The following CDH3 variants were observed in gnomAD, a reference collection of about 807,000 sequenced individuals.
CDH3 encodes the protein cadherin-3.
CDH3 carries 54 observed loss-of-function variants against 82.0 expected under a neutral mutation model. That is an observed-to-expected ratio of 0.66 (90% CI 0.53 to 0.83). The LOEUF is 0.83. Ranked by LOEUF, CDH3 falls within the 40% of genes least tolerant of loss-of-function variation. The pLI is 0.00. For synonymous variants in CDH3, 446 were observed against 437.9 expected, an observed-to-expected ratio of 1.02 and a Z score of -0.23; for missense variants, 1,054 against 1,084.6, an observed-to-expected ratio of 0.97 and a Z score of 0.40.
chr16:68,685,960 G>C (rs1961399909), intron 11 of CDH3, among the ~76,000 whole-genome samples: 2 of 152,226 alleles, frequency 1.3e-5, no homozygotes, highest in South Asian at 4.1e-4. Flanking sequence ...GAGCCCAGGA[G>C]TTCAAGGCTG....
intron 1 of CDH3, among the ~76,000 whole-genome samples, chr16:68,708,433 C>T (rs1370946700): frequency 6.6e-6 from 1 of 152,010 alleles, no homozygotes; most frequent in Non-Finnish European, 1.5e-5. Flanking sequence ...TTCCTCAGAG[C>T]CTCTGCACTT....
At chr16:68,715,324 G>A (rs868425885) in intron 1 of CDH3, among the ~76,000 whole-genome samples, 5 of 152,044 alleles carry the variant, frequency 3.3e-5, no homozygotes, top group Middle Eastern at 3.4e-3. Flanking sequence ...CTACTCGGGA[G>A]GCTGAGGCAG....
intron 2 of CDH3, among the ~76,000 whole-genome samples, chr16:68,665,578 G>A (rs1052653174): frequency 3.3e-5 from 5 of 152,042 alleles, no homozygotes; most frequent in African/African-American, 4.8e-5. Flanking sequence ...AGTGATTGAC[G>A]CAAGGCTGCA....
At chr16:68,709,675 T>C (rs944251640) in intron 1 of CDH3, among the ~76,000 whole-genome samples, 1 of 151,872 alleles carries the variant, frequency 6.6e-6, no homozygotes, top group African/African-American at 2.4e-5. Flanking sequence ...GCTAGGCTGG[T>C]TTCAAGCGAC....
chr16:68,726,392 G>A (rs1001850988), intron 2 of CDH3, among the ~76,000 whole-genome samples: 28 of 151,966 alleles, frequency 1.8e-4, no homozygotes, highest in Non-Finnish European at 1.0e-4. Flanking sequence ...TGGCTGCCCC[G>A]GAGTCTGGAA....
chr16:68,706,528 C>CTAG (rs1961965968), intron 1 of CDH3, among the ~76,000 whole-genome samples: 1 of 135,512 alleles, frequency 7.4e-6, no homozygotes, highest in Non-Finnish European at 1.6e-5. Flanking sequence ...GATGCTGGTT[C>CTAG]TAGTAGTCAC....
intron 8 of CDH3, among the ~76,000 whole-genome samples, chr16:68,681,540 A>C (rs1420723414): frequency 6.6e-6 from 1 of 152,224 alleles, no homozygotes; most frequent in Non-Finnish European, 1.5e-5. Context: ...GGTCTGAATA[A>C]AAATTTGTAA....
chr16:68,685,106 G>A (rs1597812037), intron 10 of CDH3, 99 bp from the exon 11 acceptor site: 1 of 1,404,636 alleles, frequency 7.1e-7, no homozygotes, highest in Non-Finnish European at 1.0e-6. Context: ...CTGCTTAGGA[G>A]CCCAGAGGCC....
chr16:68,716,106 T>G (rs1962091848), intron 1 of CDH3, among the ~76,000 whole-genome samples: 1 of 151,362 alleles, frequency 6.6e-6, no homozygotes, highest in Non-Finnish European at 1.5e-5. Flanking sequence ...CCATCTCTAC[T>G]AAAAATACAA....
chr16:68,719,660 C>T (rs991259074), intron 1 of CDH3, among the ~76,000 whole-genome samples: 3 of 151,794 alleles, frequency 2.0e-5, no homozygotes, highest in African/African-American at 7.3e-5. Flanking sequence ...CAGGCACACA[C>T]CAGCTAATTT....
intron 1 of CDH3, among the ~76,000 whole-genome samples, chr16:68,716,895 C>CTT (rs1416223774): frequency 3.7e-5 from 5 of 135,846 alleles, no homozygotes; most frequent in Admixed American, 7.5e-5. Flanking sequence ...AGATTTTTTT[C>CTT]TTTTTTTTTT....
At chr16:68,723,310 C>G (rs1050489450) in intron 2 of CDH3, among the ~76,000 whole-genome samples, 5 of 151,998 alleles carry the variant, frequency 3.3e-5, no homozygotes, top group Admixed American at 6.6e-5. Context: ...TGTTCTATAG[C>G]TATAATTAAA....
At chr16:68,680,224 T>C (rs1431908586) in intron 7 of CDH3, among the ~76,000 whole-genome samples, 1 of 152,252 alleles carries the variant, frequency 6.6e-6, no homozygotes, top group East Asian at 1.9e-4. Context: ...CTACTTTTGG[T>C]ATTTTCTGTA....
In CDH3 at chr16:68,691,931, G is replaced by A. The variant is rs902162035; in HGVS notation, c.2002+5G>A. On this transcript the variant is annotated splice_donor_5th_base_variant and intron_variant, in intron 13 of 15. Transcript: ENST00000264012. ...GGGCTGTCCTGGCTCTGCTGTGTGA[G>A]TACCAGGCCCCCACCCCCTCCCTGA... The A allele has an allele frequency of 1.2e-6, 2 of 1,607,728 alleles. No individual in the cohort carries two copies. The highest frequency in any genetic ancestry group is 1.3e-5 in the African/African-American group (1 of 74,882).
chr16:68,654,261 G>C (rs577835165), intron 2 of CDH3, among the ~76,000 whole-genome samples: 1 of 145,616 alleles, frequency 6.9e-6, no homozygotes, highest in Non-Finnish European at 1.5e-5. Context: ...GGGTTTCACC[G>C]TGTTAGCCAG....
intron 2 of CDH3, among the ~76,000 whole-genome samples, chr16:68,649,686 G>A (rs1960182702): frequency 6.6e-6 from 1 of 152,186 alleles, no homozygotes; most frequent in Non-Finnish European, 1.5e-5. Flanking sequence ...GGGAGATGAA[G>A]CAGTATAGCT....
intron 2 of CDH3, among the ~76,000 whole-genome samples, chr16:68,654,730 A>G (rs1405374873): frequency 7.1e-6 from 1 of 140,520 alleles, no homozygotes; most frequent in African/African-American, 2.6e-5. Flanking sequence ...ATATATATAT[A>G]TATATTTATT....
downstream of CDH3, among the ~76,000 whole-genome samples, chr16:68,731,386 AAAAAAAAAAAT>A (rs1210782778): frequency 5.7e-4 from 15 of 26,214 alleles, 4 homozygotes; most frequent in African/African-American, 1.5e-3. Flanking sequence ...AAAAAAAAAA[AAAAAAAAAAAT>A]ATATATATAT....
In CDH3 at chr16:68,678,498, C is replaced by T. The variant is rs766627019; in HGVS notation, c.391-3C>T. On this transcript the variant is annotated splice_polypyrimidine_tract_variant and splice_region_variant and intron_variant, in intron 4 of 15. Coordinates refer to ENST00000264012, the MANE Select transcript of CDH3 (RefSeq NM_001793.6). ...GTCAGCTGCCATTTTCTTTTCCCTC[C>T]AGCTCAAGTCTAATAAAGATAGAGA... is the stretch of plus-strand genomic sequence containing the variant. 2 of 1,614,212 alleles carry T rather than the reference C, an allele frequency of 1.2e-6. No individual in the cohort carries two copies. Among genetic ancestry groups the T allele is most frequent in the East Asian group, 4.5e-5 (2 of 44,888 alleles).
Sources: allele counts gnomAD v4.1 joint callset (sites outside exome capture counted in the v4.1 genomes callset), GRCh38; gene constraint gnomAD v4.1.1; transcripts MANE v1.5; gene names NCBI Gene and HGNC (gene_info 2026-07-23, HGNC 2026-07-21).